WWTR1: variants seen among roughly 807,000 people sequenced by gnomAD.
The protein encoded by WWTR1 is WW domain-containing transcription regulator protein 1.
Under a neutral mutation model 40.1 loss-of-function variants are expected in WWTR1, and 13 were observed. The ratio of observed to expected loss-of-function variants is 0.32; its 90% confidence interval spans 0.21 to 0.52. WWTR1 has a LOEUF of 0.52. Among genes scored for constraint, WWTR1 ranks in the 20% least tolerant of loss-of-function variants. The probability of loss-of-function intolerance (pLI) is 0.97; values close to 1 mark genes in which losing one functional copy is unlikely to be tolerated. For synonymous variants in WWTR1, 230 were observed against 210.1 expected, an observed-to-expected ratio of 1.09 and a Z score of -0.82; for missense variants, 436 against 523.1, an observed-to-expected ratio of 0.83 and a Z score of 1.63.
chr3:149,562,596 TACAG>T (rs1447955950), intron 3 of WWTR1, among the ~76,000 whole-genome samples: 1 of 90,030 alleles, frequency 1.1e-5, no homozygotes, highest in Admixed American at 1.6e-4. Context: ...TGCCTTAAAA[TACAG>T]ACACACACAC....
At chr3:149,598,432 A>G (rs7610224) in intron 2 of WWTR1, among the ~76,000 whole-genome samples, 8,101 of 152,288 alleles carry the variant, frequency 0.053, 569 homozygotes, top group African/African-American at 0.17. Flanking sequence ...CTGAAGCTAC[A>G]TAGCTCATAA....
intron 3 of WWTR1, among the ~76,000 whole-genome samples, chr3:149,557,874 G>A (rs6787616): frequency 0.39 from 59,130 of 151,278 alleles, 12,028 homozygotes; most frequent in South Asian, 0.5. Context: ...GTGGCGGTGT[G>A]TGCCTGTAGT....
intron 2 of WWTR1, among the ~76,000 whole-genome samples, chr3:149,603,900 T>C (rs1291085855): frequency 1.4e-5 from 2 of 146,414 alleles, no homozygotes; most frequent in Admixed American, 6.9e-5. Context: ...CAGATCTCAG[T>C]CAAGAACACA....
intron 4 of WWTR1, among the ~76,000 whole-genome samples, chr3:149,530,802 A>T (rs796705942): frequency 2.3e-4 from 35 of 152,278 alleles, no homozygotes; most frequent in African/African-American, 8.4e-4. Flanking sequence ...TACCCTGAAG[A>T]CTTAATCACC....
intron 1 of WWTR1, among the ~76,000 whole-genome samples, chr3:149,694,335 A>C (rs1204354465): frequency 1.3e-5 from 2 of 152,236 alleles, no homozygotes; most frequent in Non-Finnish European, 2.9e-5. Flanking sequence ...CAGAGGTTGC[A>C]GTGAGCCGAG....
intron 2 of WWTR1, among the ~76,000 whole-genome samples, chr3:149,614,660 T>C (rs1463896963): frequency 1.3e-5 from 2 of 152,150 alleles, no homozygotes; most frequent in Admixed American, 6.5e-5. Context: ...TTACAAACAA[T>C]ATGAACATCT....
intron 4 of WWTR1, among the ~76,000 whole-genome samples, chr3:149,719,174 T>G (rs1250057806): frequency 6.6e-6 from 1 of 150,708 alleles, no homozygotes; most frequent in Non-Finnish European, 1.5e-5. Flanking sequence ...TTCTTTTTTT[T>G]TTTTTCTTTT....
Position 149,690,646 on chromosome 3 carries a change from T to C in WWTR1, c.-108+12478A>G, listed in dbSNP as rs185313226. On this transcript the variant is annotated intron_variant, in intron 1 of 7. Transcript: ENST00000465804. Reference sequence around the variant, plus strand: ...ATATTATTAGAGCTAAAGATAGAGATAGATCCTAATATAATAATAGCTAGA... The same window carrying C: ...ATATTATTAGAGCTAAAGATAGAGACAGATCCTAATATAATAATAGCTAGA... Among the ~76,000 whole-genome samples, 53 of 152,304 alleles carry C rather than the reference T, an allele frequency of 3.5e-4. 1 individual carries two copies. The highest frequency in any genetic ancestry group is 1.2e-3 in the Admixed American group (19 of 15,298).
At chr3:149,672,723 A>T (rs1443829350) in intron 1 of WWTR1, among the ~76,000 whole-genome samples, 1 of 151,902 alleles carries the variant, frequency 6.6e-6, no homozygotes, top group South Asian at 2.1e-4. Flanking sequence ...TGTTTATATA[A>T]AAAATCTTTC....
intron 5 of WWTR1, among the ~76,000 whole-genome samples, chr3:149,527,574 A>G (rs1002919661): frequency 2.0e-5 from 3 of 152,232 alleles, no homozygotes; most frequent in African/African-American, 7.2e-5. Flanking sequence ...GTTTAAAAAT[A>G]TAAGTTCATG....
At chr3:149,635,367 TA>T (rs1288832794) in intron 2 of WWTR1, among the ~76,000 whole-genome samples, 1 of 152,144 alleles carries the variant, frequency 6.6e-6, no homozygotes. Context: ...GTCCCATTAC[TA>T]GGAAAACGGG....
chr3:149,657,627 C>T (rs1713327828), intron 1 of WWTR1, 138 bp downstream of exon 1: 1 of 300,800 alleles, frequency 3.3e-6, no homozygotes, highest in Non-Finnish European at 6.2e-6. Flanking sequence ...AAGGAAAGGT[C>T]GCACGATTCC....
chr3:149,616,726 G>A (rs1739992174), intron 2 of WWTR1, among the ~76,000 whole-genome samples: 1 of 152,332 alleles, frequency 6.6e-6, no homozygotes, highest in Middle Eastern at 3.4e-3. Context: ...ACAGGCATGA[G>A]CCATTGCACC....
chr3:149,719,513 G>A lies in WWTR1; in HGVS notation n.460-1947C>T, dbSNP rs1030342666. Among the ~76,000 whole-genome samples, 14 of 152,114 alleles carry A rather than the reference G, an allele frequency of 9.2e-5. 1 individual carries two copies. The highest frequency in any genetic ancestry group is 3.4e-4 in the African/African-American group (14 of 41,428). ...CTATTGTAAGTATATATCACATTTTGCTTTTTCATTCATCTGTCAATGGCC... is the reference window on the plus strand; with the variant it reads ...CTATTGTAAGTATATATCACATTTTACTTTTTCATTCATCTGTCAATGGCC... On this transcript the variant is annotated intron_variant and non_coding_transcript_variant, in intron 4 of 6. Coordinates refer to the WWTR1 transcript ENST00000474080.
chr3:149,709,216 C>A (rs1482754484), intron 5 of WWTR1, among the ~76,000 whole-genome samples: 1 of 151,232 alleles, frequency 6.6e-6, no homozygotes, highest in African/African-American at 2.4e-5. Flanking sequence ...CTCAAGCAGT[C>A]TGCCTGCCTC....
intron 2 of WWTR1, among the ~76,000 whole-genome samples, chr3:149,637,945 G>A (rs1056860938): frequency 3.3e-5 from 5 of 152,294 alleles, no homozygotes; most frequent in East Asian, 3.9e-4. Flanking sequence ...AACCAGGCAC[G>A]GTGGCTCACG....
intron 2 of WWTR1, among the ~76,000 whole-genome samples, chr3:149,624,753 G>A (rs1158717201): frequency 6.6e-6 from 1 of 152,084 alleles, no homozygotes; most frequent in Admixed American, 6.5e-5. Context: ...AGGCTGGAGT[G>A]CAGTGGCGTG....
chr3:149,540,079 TACACACACACACACACACACACAC>T (rs202144589), intron 4 of WWTR1: 2 of 272,018 alleles, frequency 7.4e-6, no homozygotes, highest in South Asian at 2.9e-5. Context: ...TCCTCCTAAC[TACACACACACACACACACACACAC>T]ACACACACAC....
chr3:149,681,614 T>A (rs568985512), intron 1 of WWTR1, among the ~76,000 whole-genome samples: 15 of 152,290 alleles, frequency 9.8e-5, no homozygotes, highest in African/African-American at 3.1e-4. Flanking sequence ...AAAGAAATAT[T>A]TGCACTCCTA....
Sources: allele counts gnomAD v4.1 joint callset (sites outside exome capture counted in the v4.1 genomes callset), GRCh38; gene constraint gnomAD v4.1.1; transcripts MANE v1.5; gene names NCBI Gene and HGNC (gene_info 2026-07-23, HGNC 2026-07-21).